Variants in PLCL2 observed in about 807,000 individuals in gnomAD.
PLCL2 encodes the protein inactive phospholipase C-like protein 2.
Under a neutral mutation model 79.6 loss-of-function variants are expected in PLCL2, and 4 were observed. The ratio of observed to expected loss-of-function variants is 0.05; its 90% CI spans 0.02 to 0.11. The LOEUF (loss-of-function observed/expected upper bound fraction) is 0.11. Among genes scored for constraint, PLCL2 ranks in the 10% least tolerant of loss-of-function variants. PLCL2 has a pLI of 1.00. For missense variants in PLCL2, 895 were observed against 1,291.0 expected (o/e 0.69, Z 4.70); for synonymous variants, 484 against 457.7 (o/e 1.06, Z -0.73).
intron 1 of PLCL2, among the ~76,000 whole-genome samples, chr3:16,910,973 G>C (rs899286734): frequency 2.6e-5 from 4 of 152,120 alleles, no homozygotes; most frequent in Non-Finnish European, 4.4e-5. Flanking sequence ...TTGTAATGGG[G>C]CCAGGCACGG....
At chr3:16,919,063 A>G (rs1697063044) in intron 1 of PLCL2, among the ~76,000 whole-genome samples, 1 of 152,150 alleles carries the variant, frequency 6.6e-6, no homozygotes, top group Admixed American at 6.5e-5. Context: ...TCGTTGTGAA[A>G]TAGTTTAATT....
chr3:17,084,276 G>A (rs2065193652), intron 5 of PLCL2, among the ~76,000 whole-genome samples: 1 of 152,084 alleles, frequency 6.6e-6, no homozygotes, highest in Non-Finnish European at 1.5e-5. Context: ...ATCTATTAAG[G>A]AAATCAAATC....
intron 1 of PLCL2, among the ~76,000 whole-genome samples, chr3:16,966,282 G>T (rs897866086): frequency 6.0e-5 from 9 of 150,428 alleles, no homozygotes; most frequent in Non-Finnish European, 1.2e-4. Flanking sequence ...TAATCATGTG[G>T]TTTTTGTTTT....
intron 4 of PLCL2, among the ~76,000 whole-genome samples, chr3:17,046,790 A>AGCCT (rs1398041914): frequency 6.6e-6 from 1 of 152,176 alleles, no homozygotes; most frequent in East Asian, 1.9e-4. Flanking sequence ...GGCCTGACAC[A>AGCCT]GCCTGACTCA....
intron 3 of PLCL2, among the ~76,000 whole-genome samples, chr3:17,039,117 T>G (rs2064691286): frequency 6.6e-6 from 1 of 152,244 alleles, no homozygotes; most frequent in Non-Finnish European, 1.5e-5. Flanking sequence ...GTTGAATCAC[T>G]TTCATCTTGA....
chr3:16,909,048 A>T (rs1468924352), intron 1 of PLCL2, among the ~76,000 whole-genome samples: 2 of 152,216 alleles, frequency 1.3e-5, no homozygotes, highest in East Asian at 3.8e-4. Context: ...CCCAGAGGGC[A>T]GACCATGGTT....
At chr3:17,004,630 A>G (rs890251963) in intron 1 of PLCL2, among the ~76,000 whole-genome samples, 3 of 152,080 alleles carry the variant, frequency 2.0e-5, no homozygotes, top group African/African-American at 7.2e-5. Flanking sequence ...GAGCACATCA[A>G]AGTTTTAAAG....
At chr3:17,018,745 T>G (rs928968457) in intron 3 of PLCL2, among the ~76,000 whole-genome samples, 3 of 152,226 alleles carry the variant, frequency 2.0e-5, no homozygotes, top group South Asian at 2.1e-4. Flanking sequence ...TAATAGAAAT[T>G]TAATTGGTTT....
chr3:16,920,662 G>A (rs1697105354), intron 1 of PLCL2, among the ~76,000 whole-genome samples: 1 of 152,104 alleles, frequency 6.6e-6, no homozygotes, highest in Non-Finnish European at 1.5e-5. Flanking sequence ...ATGCAGGAGT[G>A]AAAATGCTTG....
chr3:17,079,850 G>T lies in PLCL2; in HGVS notation c.3205-9883G>T, dbSNP rs539458879. 4.1e-4 allele frequency among the ~76,000 whole-genome samples: 63 copies of T among 152,190 alleles called. 2 individuals are homozygous for T. Among genetic ancestry groups the T allele is most frequent in the Non-Finnish European group, 8.7e-4 (59 of 68,038 alleles). ...AGCCCAAATATAGGCAAAAAGTGTG[G>T]CAGGCAAAGGGAGCCACATGGAAAG... is the stretch of plus-strand genomic sequence containing the variant. On this transcript the variant is annotated intron_variant, in intron 5 of 5. Transcript: ENST00000615277.
intron 1 of PLCL2, among the ~76,000 whole-genome samples, chr3:16,954,174 C>T (rs186301788): frequency 3.7e-4 from 57 of 152,180 alleles, no homozygotes; most frequent in East Asian, 7.7e-4. Context: ...TATCCCTCCC[C>T]GCTCCCCCCA....
chr3:17,035,458 G>A (rs1281463968), intron 3 of PLCL2, among the ~76,000 whole-genome samples: 1 of 152,050 alleles, frequency 6.6e-6, no homozygotes, highest in East Asian at 1.9e-4. Flanking sequence ...TGTGCCCACA[G>A]CAAATCAGCC....
intron 1 of PLCL2, among the ~76,000 whole-genome samples, chr3:16,999,176 T>C (rs1340388379): frequency 1.3e-5 from 2 of 149,344 alleles, no homozygotes; most frequent in African/African-American, 2.4e-5. Flanking sequence ...TTTTTTTCCC[T>C]ATGGGTGTGG....
chr3:16,894,719 T>A (rs990245077), intron 1 of PLCL2, among the ~76,000 whole-genome samples: 1 of 152,194 alleles, frequency 6.6e-6, no homozygotes, highest in Admixed American at 6.5e-5. Flanking sequence ...GAACATCTTT[T>A]CATATGTTTC....
At chr3:17,005,177 A>C (rs2064249131) in intron 1 of PLCL2, among the ~76,000 whole-genome samples, 1 of 152,192 alleles carries the variant, frequency 6.6e-6, no homozygotes, top group Non-Finnish European at 1.5e-5. Context: ...AAGTCTTTCA[A>C]GTCTTTCAAA....
At chr3:16,987,370 C>G (rs1338169056) in intron 1 of PLCL2, among the ~76,000 whole-genome samples, 1 of 152,216 alleles carries the variant, frequency 6.6e-6, no homozygotes, top group East Asian at 1.9e-4. Flanking sequence ...TGCTTGGTAA[C>G]CCCAGAGCCC....
chr3:17,057,888 A>G (rs1559534709), intron 4 of PLCL2, among the ~76,000 whole-genome samples: 1 of 152,232 alleles, frequency 6.6e-6, no homozygotes. Context: ...TATTTGTTCA[A>G]CAAACGAGCT....
intron 3 of PLCL2, among the ~76,000 whole-genome samples, chr3:17,030,109 A>G (rs1407580400): frequency 1.3e-5 from 2 of 151,906 alleles, no homozygotes; most frequent in Admixed American, 1.3e-4. Context: ...TCATTTTTTT[A>G]AGAAATGGGG....
intron 1 of PLCL2, among the ~76,000 whole-genome samples, chr3:16,945,191 A>G (rs1337697388): frequency 6.6e-6 from 1 of 152,118 alleles, no homozygotes; most frequent in Non-Finnish European, 1.5e-5. Context: ...TCATCTTCTC[A>G]GCAAGGCTTT....
Sources: gnomAD v4.1 joint callset for allele counts (sites outside exome capture counted in the v4.1 genomes callset) on GRCh38, gnomAD v4.1.1 for gene constraint, MANE v1.5 for transcripts, NCBI Gene and HGNC (gene_info 2026-07-23, HGNC 2026-07-21) for gene names.